Variants in POR observed in about 807,000 individuals in gnomAD.
POR encodes the protein NADPH--cytochrome P450 reductase.
Under a neutral mutation model 84.0 loss-of-function variants are expected in POR, and 56 were observed. The observed-to-expected ratio is 0.67, with a 90% CI of 0.54 to 0.83. The LOEUF (loss-of-function observed/expected upper bound fraction) is 0.83. Among genes scored for constraint, POR ranks in the 40% least tolerant of loss-of-function variants. The pLI is 0.00. For missense variants in POR, 938 were observed against 944.3 expected, an observed-to-expected ratio of 0.99 and a Z score of 0.09; for synonymous variants, 414 against 400.5, an observed-to-expected ratio of 1.03 and a Z score of -0.40.
intron 2 of POR, among the ~76,000 whole-genome samples, chr7:75,964,998 C>T (rs781924325): frequency 3.9e-5 from 6 of 151,944 alleles, no homozygotes; most frequent in African/African-American, 9.7e-5. Context: ...GCCTGGGCAA[C>T]GGAGCGAACC....
At chr7:75,981,720 C>A in intron 7 of POR, 114 bp downstream of exon 7, 1 of 873,738 alleles carries the variant, frequency 1.1e-6, no homozygotes, top group South Asian at 1.7e-5. Context: ...GACACTCCGT[C>A]ATAGGGTCGA....
At chr7:75,944,252 T>C (rs114434389) in intron 1 of POR, among the ~76,000 whole-genome samples, 3,954 of 152,192 alleles carry the variant, frequency 0.026, 148 homozygotes, top group African/African-American at 0.079. Flanking sequence ...AAAGGCTGGG[T>C]GCAATGGCTT....
rs781892929 is a variant in POR at position 75,986,032 on chromosome 7, G to T, written c.1779G>T (p.Gln593His). 1 of 1,560,726 alleles carries T rather than the reference G, an allele frequency of 6.4e-7. No individual in the cohort carries two copies. The highest frequency in any genetic ancestry group is 8.7e-7 in the Non-Finnish European group (1 of 1,153,366). The change falls in exon 14 of 16, where the codon CAG (glutamine) becomes CAT (histidine). Residue 593 changes from glutamine to histidine, a missense_variant. By Grantham distance (24) the Gln-to-His change is conservative. Transcript: ENST00000461988. ...TCCACAGGGACGGTGCGCTCACCCAGCTCAACGTGGCCTTCTCCCGGGAGC... is the reference window on the plus strand; with the variant it reads ...TCCACAGGGACGGTGCGCTCACCCATCTCAACGTGGCCTTCTCCCGGGAGC...
intron 1 of POR, chr7:75,923,453 G>C: frequency 1.8e-6 from 1 of 551,038 alleles, no homozygotes; most frequent in Non-Finnish European, 3.3e-6. Flanking sequence ...CTAGAGCCAG[G>C]TGCCAAACTA....
intron 2 of POR, among the ~76,000 whole-genome samples, chr7:75,968,972 G>C (rs1788315149): frequency 6.6e-6 from 1 of 152,234 alleles, no homozygotes; most frequent in African/African-American, 2.4e-5. Context: ...CCGTGGGGCT[G>C]TCTCTCCAGG....
chr7:75,986,721 C>T lies in POR; in HGVS notation c.*240C>T, dbSNP rs13921. The T allele has an allele frequency of 5.1e-3, 3,033 of 599,216 alleles. 14 individuals carry two copies. The highest frequency in any genetic ancestry group is 7.3e-3 in the Non-Finnish European group (2,489 of 340,394). 37.1% of individuals were successfully genotyped at this position (599,216 alleles called of 1,614,324 possible). ...CACCGGGCTCCATGCCTCTGGAGGCCTCTGGCCCTCGGTGGCTGCACAGAA... is the reference window on the plus strand; with the variant it reads ...CACCGGGCTCCATGCCTCTGGAGGCTTCTGGCCCTCGGTGGCTGCACAGAA... On this transcript the variant is annotated 3_prime_UTR_variant, in exon 16 of 16. Transcript: ENST00000461988.
intron 1 of POR, among the ~76,000 whole-genome samples, chr7:75,944,960 G>T (rs1179641407): frequency 2.0e-5 from 3 of 152,162 alleles, no homozygotes; most frequent in African/African-American, 7.2e-5. Context: ...CCCAGGAGAA[G>T]AAGAGAAAGA....
rs782774766 is a variant in POR at position 75,980,352 on chromosome 7, G to A, written c.380G>A (p.Ser127Asn). The A allele has an allele frequency of 2.5e-6, 4 of 1,612,850 alleles. No individual in the cohort carries two copies. Among genetic ancestry groups the A allele is most frequent in the East Asian group, 2.2e-5 (1 of 44,854 alleles). ...CTGTTTCTGCAGGCCGACCTGAGCA[G>A]CCTGCCAGAGATCGACAACGCCCTG... The change falls in exon 5 of 16, where the codon AGC becomes AAC. Residue 127 changes from serine (S) to asparagine (N), a missense_variant. By Grantham distance (46) the Ser-to-Asn change is conservative. Transcript: ENST00000461988.
At chr7:75,931,849 A>G (rs1807437345) in intron 1 of POR, among the ~76,000 whole-genome samples, 1 of 152,196 alleles carries the variant, frequency 6.6e-6, no homozygotes, top group African/African-American at 2.4e-5. Flanking sequence ...GCAAGGAAAT[A>G]AAGATGTGTC....
chr7:75,976,793 A>G (rs529800310), intron 3 of POR, among the ~76,000 whole-genome samples: 2 of 152,180 alleles, frequency 1.3e-5, no homozygotes, highest in East Asian at 3.9e-4. Context: ...TGATTTGTGG[A>G]AAATTCAGGA....
intron 1 of POR, among the ~76,000 whole-genome samples, chr7:75,920,530 G>A (rs13247920): frequency 1.3e-5 from 2 of 152,152 alleles, no homozygotes; most frequent in Non-Finnish European, 2.9e-5. Flanking sequence ...TGAAAGTTAA[G>A]AACAGTGCTT....
chr7:75,923,803 G>A (rs868914862), intron 1 of POR, among the ~76,000 whole-genome samples: 2 of 151,656 alleles, frequency 1.3e-5, no homozygotes, highest in Non-Finnish European at 2.9e-5. Context: ...CAGGAGAATC[G>A]CTTGAACCCG....
At chr7:75,978,357 C>G (rs187783615) in intron 3 of POR, among the ~76,000 whole-genome samples, 4 of 152,226 alleles carry the variant, frequency 2.6e-5, no homozygotes, top group African/African-American at 9.6e-5. Context: ...TCTTACTGTT[C>G]CCTAAACAAT....
chr7:75,938,110 G>A (rs879973716), intron 1 of POR, among the ~76,000 whole-genome samples: 15 of 152,192 alleles, frequency 9.9e-5, no homozygotes, highest in South Asian at 4.1e-4. Context: ...CCCCAGTCAC[G>A]CTTGCACAGA....
At chr7:75,924,444 G>A (rs543501902) in intron 1 of POR, among the ~76,000 whole-genome samples, 1 of 152,306 alleles carries the variant, frequency 6.6e-6, no homozygotes, top group South Asian at 2.1e-4. Context: ...CACTGTGGGA[G>A]GCCGAGGTGG....
At chr7:75,957,875 A>T (rs942121004) in intron 2 of POR, among the ~76,000 whole-genome samples, 8 of 152,292 alleles carry the variant, frequency 5.3e-5, no homozygotes, top group Non-Finnish European at 5.9e-5. Flanking sequence ...AAATATTTCT[A>T]GTACCATGGC....
At chr7:75,927,968 CTTTTTTTTTTTTTT>C (rs1243977285) in intron 1 of POR, among the ~76,000 whole-genome samples, 1 of 107,002 alleles carries the variant, frequency 9.3e-6, no homozygotes, top group South Asian at 3.0e-4. Context: ...TCTCAGGTTT[CTTTTTTTTTTTTTT>C]TTTTTTTGAG....
rs782747558 is a variant in POR, at chr7:75,983,595, C to G, written c.906C>G (p.His302Gln). The change falls in exon 9 of 16, where the codon CAC (histidine) becomes CAG (glutamine). Residue 302 changes from histidine to glutamine, a missense_variant. Transcript: ENST00000461988. ...AGCTGAACCAGGGAACCGAGCGCCA[C>G]CTCATGCACCTGGAATTGGACATCT... The G allele has an allele frequency of 1.2e-6, 2 of 1,613,158 alleles. No homozygotes were observed. The highest frequency in any genetic ancestry group is 1.7e-6 in the Non-Finnish European group (2 of 1,179,850).
At chr7:75,957,289 G>C (rs527926444) in intron 2 of POR, among the ~76,000 whole-genome samples, 1 of 152,296 alleles carries the variant, frequency 6.6e-6, no homozygotes, top group African/African-American at 2.4e-5. Context: ...CCCTGAAGCT[G>C]AAAGGACTTT....
Sources: allele counts gnomAD v4.1 joint callset (sites outside exome capture counted in the v4.1 genomes callset), GRCh38; gene constraint gnomAD v4.1.1; transcripts MANE v1.5; gene names NCBI Gene and HGNC (gene_info 2026-07-23, HGNC 2026-07-21).